The following ATRNL1 variants were observed in gnomAD, a reference collection of about 807,000 sequenced individuals.
The protein encoded by ATRNL1 is attractin like 1.
In ATRNL1, 95 loss-of-function variants were observed where a neutral mutation model predicts 182.7. The observed-to-expected ratio is 0.52, with a 90% CI of 0.44 to 0.62. The LOEUF (loss-of-function observed/expected upper bound fraction) is 0.62, where lower values mean the gene tolerates loss of function less well. Ranked by LOEUF, ATRNL1 falls within the 20% of genes least tolerant of loss-of-function variation. ATRNL1 has a pLI of 0.00. For synonymous variants in ATRNL1, 576 were observed against 568.3 expected (o/e 1.01, Z -0.19); for missense variants, 1,471 against 1,679.5 (o/e 0.88, Z 2.17).
At chr10:115,889,501 A>G (rs1555110639) in intron 28 of ATRNL1, among the ~76,000 whole-genome samples, 2 of 152,132 alleles carry the variant, frequency 1.3e-5, no homozygotes, top group Non-Finnish European at 2.9e-5. Context: ...ACCCGCAGTC[A>G]GTTTTTGTTA....
At chr10:115,648,940 G>A (rs763206300) in intron 26 of ATRNL1, among the ~76,000 whole-genome samples, 64 of 152,068 alleles carry the variant, frequency 4.2e-4, no homozygotes, top group Non-Finnish European at 3.2e-4. Context: ...GTGAGAATCA[G>A]GTCTGTGTTC....
At chr10:115,270,989 A>G (rs1851836253) in intron 13 of ATRNL1, among the ~76,000 whole-genome samples, 1 of 152,180 alleles carries the variant, frequency 6.6e-6, no homozygotes, top group Non-Finnish European at 1.5e-5. Context: ...TACAACTGGA[A>G]AACACATCAA....
chr10:115,356,514 G>A (rs1856510583), intron 19 of ATRNL1, among the ~76,000 whole-genome samples: 2 of 152,006 alleles, frequency 1.3e-5, no homozygotes, highest in African/African-American at 4.8e-5. Context: ...CTGAGGCTAT[G>A]AAAACTGTTT....
intron 5 of ATRNL1, among the ~76,000 whole-genome samples, chr10:115,138,102 A>C (rs1278148336): frequency 6.6e-6 from 1 of 152,234 alleles, no homozygotes; most frequent in Non-Finnish European, 1.5e-5. Context: ...CTTTGACTCC[A>C]GGTCTCACAT....
intron 20 of ATRNL1, among the ~76,000 whole-genome samples, chr10:115,417,894 CACAACAGTCAGTCCCCTTAGAA>C (rs1845471605): frequency 6.6e-6 from 1 of 152,178 alleles, no homozygotes; most frequent in Non-Finnish European, 1.5e-5. Flanking sequence ...GCTCAGAGAA[CACAACAGTCAGTCCCCTTAGAA>C]ACTCTGGAAG....
intron 8 of ATRNL1, 106 bp downstream of exon 8, chr10:115,171,398 A>C (rs1847288296): frequency 3.0e-6 from 3 of 995,334 alleles, no homozygotes; most frequent in Non-Finnish European, 1.4e-6. Flanking sequence ...TTGAGATTGA[A>C]ATTATAAGCT....
intron 25 of ATRNL1, among the ~76,000 whole-genome samples, chr10:115,522,823 G>C (rs1254424492): frequency 6.6e-6 from 1 of 152,154 alleles, no homozygotes. Context: ...GGGAGAAACT[G>C]GTCAAAATAT....
At chr10:115,722,497 C>A (rs1947461191) in intron 26 of ATRNL1, among the ~76,000 whole-genome samples, 1 of 152,246 alleles carries the variant, frequency 6.6e-6, no homozygotes, top group African/African-American at 2.4e-5. Context: ...CACTTCTCTT[C>A]TTTACACCAT....
Position 115,948,259 on chromosome 10 carries a change from G to C in ATRNL1, c.*3480G>C, listed in dbSNP as rs367771890. ...AAGAGCATCAATGATCACCTTTCACGTACAAACTAGGCAAGACAGGGTCAG... is the reference window on the plus strand; with the variant it reads ...AAGAGCATCAATGATCACCTTTCACCTACAAACTAGGCAAGACAGGGTCAG... On this transcript the variant is annotated 3_prime_UTR_variant, in exon 29 of 29. Coordinates refer to ENST00000355044, the MANE Select transcript of ATRNL1 (RefSeq NM_207303.4). The C allele has an allele frequency of 7.2e-5, 11 of 152,052 alleles. No individual in the cohort carries two copies. Among genetic ancestry groups the C allele is most frequent in the Non-Finnish European group, 1.6e-4 (11 of 68,014 alleles). The allele number at this position is 152,052 out of a possible 1,614,324, so 9.4% of individuals were successfully genotyped here.
In ATRNL1 at chr10:115,662,354, C is replaced by T. The variant is rs570849925; in HGVS notation, c.3796-64894C>T. ...GTGGAGAAATAGGAACACTTTTACA[C>T]TGTTGGTGGGACTGTAAACTAGTTC... On this transcript the variant is annotated intron_variant, in intron 26 of 28. Transcript: ENST00000355044. 1.9e-4 allele frequency among the ~76,000 whole-genome samples: 29 copies of T among 152,242 alleles called. No individual in the cohort carries two copies. In the South Asian group the frequency reaches 5.8e-3, roughly 30 times the overall value.
In ATRNL1 at chr10:115,801,750, C is replaced by G. The variant is rs185482315; in HGVS notation, c.3904-46127C>G. On this transcript the variant is annotated intron_variant, in intron 27 of 28. Coordinates refer to ENST00000355044, the MANE Select transcript of ATRNL1 (RefSeq NM_207303.4). ...ATTTTACTATTCCAAGAAACTCTTG[C>G]CTTGGAAGATAAAAATAGCAAATGA... Among the ~76,000 whole-genome samples, 72 of 152,196 alleles carry G rather than the reference C, an allele frequency of 4.7e-4. 1 individual carries two copies. In the East Asian group the frequency reaches 0.011, roughly 24 times the overall value.
intron 5 of ATRNL1, among the ~76,000 whole-genome samples, chr10:115,155,620 C>T (rs1592181750): frequency 6.6e-6 from 1 of 152,080 alleles, no homozygotes; most frequent in Non-Finnish European, 1.5e-5. Context: ...TTTCATTCAT[C>T]CATCCATTGA....
intron 26 of ATRNL1, among the ~76,000 whole-genome samples, chr10:115,660,993 G>A (rs1391729193): frequency 6.6e-6 from 1 of 151,936 alleles, no homozygotes; most frequent in Non-Finnish European, 1.5e-5. Flanking sequence ...TCAGATTTAG[G>A]GGAAGGTAGG....
At chr10:115,128,798 G>A (rs1330281850) in intron 4 of ATRNL1, among the ~76,000 whole-genome samples, 1 of 146,542 alleles carries the variant, frequency 6.8e-6, no homozygotes, top group East Asian at 2.0e-4. Context: ...CTGCATTCCA[G>A]CCTGGGCGAC....
intron 24 of ATRNL1, among the ~76,000 whole-genome samples, chr10:115,489,557 T>C (rs1849193834): frequency 6.6e-6 from 1 of 152,188 alleles, no homozygotes; most frequent in Non-Finnish European, 1.5e-5. Flanking sequence ...CCTCTGCCCC[T>C]TTTTTGCTTT....
intron 24 of ATRNL1, among the ~76,000 whole-genome samples, chr10:115,471,099 T>C (rs2134571782): frequency 6.6e-6 from 1 of 150,976 alleles, no homozygotes; most frequent in East Asian, 1.9e-4. Flanking sequence ...CAGTTTCTTC[T>C]ATGTTGTCAC....
intron 19 of ATRNL1, among the ~76,000 whole-genome samples, chr10:115,352,511 C>T (rs1362638397): frequency 1.3e-5 from 2 of 152,074 alleles, no homozygotes; most frequent in Non-Finnish European, 2.9e-5. Context: ...AAGTTTTATT[C>T]TTAATTTCTT....
intron 24 of ATRNL1, among the ~76,000 whole-genome samples, chr10:115,509,885 A>G (rs1233681213): frequency 6.6e-6 from 1 of 152,032 alleles, no homozygotes; most frequent in East Asian, 1.9e-4. Context: ...GAAAGAATTC[A>G]TCATTCTAAT....
chr10:115,843,450 T>C (rs906713992), intron 27 of ATRNL1, among the ~76,000 whole-genome samples: 2 of 151,986 alleles, frequency 1.3e-5, no homozygotes, highest in Non-Finnish European at 2.9e-5. Context: ...AGAAACTAAA[T>C]ATCTCAGATC....
Sources: gnomAD v4.1 joint callset for allele counts (sites outside exome capture counted in the v4.1 genomes callset) on GRCh38, gnomAD v4.1.1 for gene constraint, MANE v1.5 for transcripts, NCBI Gene and HGNC (gene_info 2026-07-23, HGNC 2026-07-21) for gene names.